The following EFCAB14 variants were observed in gnomAD, a reference collection of about 807,000 sequenced individuals.
EFCAB14 encodes EF-hand calcium-binding domain-containing protein 14.
Under a neutral mutation model 56.5 loss-of-function variants are expected in EFCAB14, and 43 were observed. The ratio of observed to expected loss-of-function variants is 0.76; its 90% CI spans 0.60 to 0.98. The LOEUF is 0.98. Ranked by LOEUF, EFCAB14 falls within the 50% of genes least tolerant of loss-of-function variation. EFCAB14 has a pLI of 0.00. For missense variants in EFCAB14, 538 were observed against 580.3 expected (o/e 0.93, Z 0.75); for synonymous variants, 235 against 212.9 (o/e 1.10, Z -0.90).
chr1:46,702,657 T>C (rs1050342237), intron 3 of EFCAB14, among the ~76,000 whole-genome samples: 1 of 152,240 alleles, frequency 6.6e-6, no homozygotes, highest in Admixed American at 6.5e-5. Flanking sequence ...ATTTAATGAA[T>C]GGCAGTTATC....
Position 46,686,850 on chromosome 1 carries a change from A to G in EFCAB14, c.1008T>C (p.Thr336=). ...SFSMMGDRSA[T]LKRQSLDQVT... ...CTTGATCCAAAGACTGTCTTTTCAG[A>G]GTGGCAGATCTATCACCCATCTTAA... Residue 336 remains threonine (T), a synonymous_variant, in exon 8 of 11, where the codon ACT becomes ACC. Coordinates refer to ENST00000371933, the MANE Select transcript of EFCAB14 (RefSeq NM_014774.3). 2.5e-6 allele frequency: 4 copies of G among 1,613,798 alleles called. No individual in the cohort carries two copies. The highest frequency in any genetic ancestry group is 1.7e-6 in the Non-Finnish European group (2 of 1,179,802).
intron 2 of EFCAB14, among the ~76,000 whole-genome samples, chr1:46,715,539 A>G (rs1677374174): frequency 6.6e-6 from 1 of 152,142 alleles, no homozygotes; most frequent in Admixed American, 6.5e-5. Context: ...CTAAAGAGGC[A>G]ATCGTTTGAC....
chr1:46,702,317 A>G (rs1677170002), intron 3 of EFCAB14, among the ~76,000 whole-genome samples: 1 of 152,226 alleles, frequency 6.6e-6, no homozygotes, highest in Non-Finnish European at 1.5e-5. Flanking sequence ...ACAGACAATC[A>G]TCAATGATGA....
intron 1 of EFCAB14, among the ~76,000 whole-genome samples, chr1:46,717,162 TAACAA>T (rs1216049230): frequency 1.3e-5 from 2 of 152,198 alleles, no homozygotes; most frequent in South Asian, 2.1e-4. Context: ...ACTCTTCCTT[TAACAA>T]AACAAGACAT....
At chr1:46,714,995 C>T (rs943616871) in intron 2 of EFCAB14, among the ~76,000 whole-genome samples, 6 of 152,116 alleles carry the variant, frequency 3.9e-5, no homozygotes, top group East Asian at 1.9e-4. Flanking sequence ...AAGCCCTTCA[C>T]GAGTATGTAA....
intron 3 of EFCAB14, among the ~76,000 whole-genome samples, chr1:46,705,971 C>T (rs1403887002): frequency 9.9e-5 from 15 of 151,758 alleles, no homozygotes; most frequent in Admixed American, 9.9e-4. Flanking sequence ...CTCAAGCAAT[C>T]CTCCTGCTGC....
At chr1:46,678,750 G>T in intron 10 of EFCAB14, 114 bp from the exon 11 acceptor site, 16 of 831,860 alleles carry the variant, frequency 1.9e-5, no homozygotes, top group South Asian at 4.9e-5. Flanking sequence ...CGCAAATTTT[G>T]TTTCCAAATG....
At chr1:46,715,211 C>A (rs1677369399) in intron 2 of EFCAB14, among the ~76,000 whole-genome samples, 2 of 152,096 alleles carry the variant, frequency 1.3e-5, no homozygotes, top group Admixed American at 1.3e-4. Flanking sequence ...AGATTACTGA[C>A]CAAGTTGATA....
intron 7 of EFCAB14, among the ~76,000 whole-genome samples, chr1:46,688,024 G>A (rs545540317): frequency 3.3e-5 from 5 of 152,258 alleles, no homozygotes; most frequent in African/African-American, 1.2e-4. Flanking sequence ...AAAGGCCCTC[G>A]GAAATACGTG....
At chr1:46,680,185 C>G (rs1010872023) in intron 10 of EFCAB14, among the ~76,000 whole-genome samples, 1 of 152,134 alleles carries the variant, frequency 6.6e-6, no homozygotes, top group Admixed American at 6.6e-5. Flanking sequence ...TATCATATGA[C>G]CCATTAATTC....
intron 3 of EFCAB14, among the ~76,000 whole-genome samples, chr1:46,704,963 TATA>T (rs1677213942): frequency 1.3e-5 from 2 of 152,050 alleles, no homozygotes; most frequent in African/African-American, 4.8e-5. Flanking sequence ...CGTTAAGTGA[TATA>T]ATAACACTTC....
intron 3 of EFCAB14, among the ~76,000 whole-genome samples, chr1:46,698,814 A>G (rs535906082): frequency 1.3e-5 from 2 of 152,306 alleles, no homozygotes; most frequent in East Asian, 3.9e-4. Context: ...GAACAAGCAC[A>G]TGGGTTTTAC....
chr1:46,694,391 AAAC>A (rs1203270454), intron 4 of EFCAB14, among the ~76,000 whole-genome samples: 1 of 152,250 alleles, frequency 6.6e-6, no homozygotes, highest in Non-Finnish European at 1.5e-5. Context: ...AGAAAAAATC[AAAC>A]AACCCCATCA....
chr1:46,696,636 G>A lies in EFCAB14; in HGVS notation c.494C>T (p.Thr165Ile). The A allele has an allele frequency of 6.2e-7, 1 of 1,613,408 alleles. No individual in the cohort carries two copies. Among genetic ancestry groups the A allele is most frequent in the Non-Finnish European group, 8.5e-7 (1 of 1,179,504 alleles). ...TEMNKQISLL[T>I]SAVNHLKANV... ...GGCTTTGAGGTGGTTCACTGCAGAA[G>A]TCAACAGAGAAATCTGAACAAAAAA... The change falls in exon 4 of 11, where the codon ACT (threonine) becomes ATT (isoleucine). Residue 165 changes from threonine to isoleucine, a missense_variant. Physicochemically the swap from Thr to Ile is moderately conservative, Grantham distance 89 (BLOSUM62 -1). Transcript: ENST00000371933.
chr1:46,716,187 T>C (rs780314169), intron 2 of EFCAB14, 108 bp downstream of exon 2: 11 of 1,224,076 alleles, frequency 9.0e-6, no homozygotes, highest in Non-Finnish European at 1.2e-5. Flanking sequence ...TGGCGGATGT[T>C]GCAGTGAGCC....
chr1:46,707,142 T>C (rs776030513), intron 3 of EFCAB14, among the ~76,000 whole-genome samples: 8 of 152,188 alleles, frequency 5.3e-5, no homozygotes, highest in Non-Finnish European at 8.8e-5. Context: ...GACAATACCT[T>C]CTCAGCCCCA....
chr1:46,716,201 A>G lies in EFCAB14; in HGVS notation c.334+94T>C, dbSNP rs890352769. On this transcript the variant is annotated intron_variant, in intron 2 of 10. Transcript: ENST00000371933. The stretch of plus-strand genomic sequence containing the variant: ...GTGGCGGATGTTGCAGTGAGCCGAG[A>G]TTGCGCCACTGTACTCCAGCCTAGG... 5.1e-6 allele frequency: 7 copies of G among 1,362,634 alleles called. No homozygotes were observed. The Admixed American group carries it at 2.0e-4, about 40-fold the overall frequency. 84.4% of individuals were successfully genotyped at this position (1,362,634 alleles called of 1,614,324 possible).
At chr1:46,681,340 G>A (rs770541389) in intron 10 of EFCAB14, among the ~76,000 whole-genome samples, 24 of 152,146 alleles carry the variant, frequency 1.6e-4, no homozygotes, top group Non-Finnish European at 2.6e-4. Flanking sequence ...GAAGGTCAAT[G>A]AGCTTTATGT....
intron 3 of EFCAB14, among the ~76,000 whole-genome samples, chr1:46,706,506 A>G (rs1222132898): frequency 6.6e-6 from 1 of 152,200 alleles, no homozygotes; most frequent in East Asian, 1.9e-4. Context: ...TTGCCTTTTC[A>G]TGCTGAACGG....
Sources: allele counts gnomAD v4.1 joint callset (sites outside exome capture counted in the v4.1 genomes callset), GRCh38; gene constraint gnomAD v4.1.1; transcripts MANE v1.5; gene names NCBI Gene and HGNC (gene_info 2026-07-23, HGNC 2026-07-21).